The following WDPCP variants were observed in gnomAD, a reference collection of about 807,000 sequenced individuals.
The protein encoded by WDPCP is WD repeat-containing and planar cell polarity effector protein fritz homolog.
Under a neutral mutation model 93.1 loss-of-function variants are expected in WDPCP, and 71 were observed. That is an observed-to-expected ratio of 0.76 (90% CI 0.63 to 0.93). WDPCP has a LOEUF of 0.93. Among genes scored for constraint, WDPCP ranks in the 40% least tolerant of loss-of-function variants. WDPCP has a pLI of 0.00. For missense variants in WDPCP, 844 were observed against 887.4 expected (o/e 0.95, Z 0.62); for synonymous variants, 315 against 315.0 (o/e 1.00, Z 0.00).
In WDPCP at chr2:63,297,724, G is replaced by C. The variant is rs149756103; in HGVS notation, c.1812+15524C>G. 3.9e-5 allele frequency among the ~76,000 whole-genome samples: 6 copies of C among 152,154 alleles called. No individual in the cohort carries two copies. In the East Asian group the frequency reaches 5.8e-4, roughly 15 times the overall value. On this transcript the variant is annotated intron_variant, in intron 13 of 17. Transcript: ENST00000272321. Reference sequence around the variant, plus strand: ...TATACACTATAGAATATAATGCACAGGGTAGACCTAAATACTGGTATTTAG... The same window carrying C: ...TATACACTATAGAATATAATGCACACGGTAGACCTAAATACTGGTATTTAG...
rs1268538258 is a variant in WDPCP, at chr2:63,120,592, C to A, written c.*1414G>T. On this transcript the variant is annotated 3_prime_UTR_variant, in exon 18 of 18. Transcript: ENST00000272321. ...CCCAGGCTGGAGCGTAATGGTGCGA[C>A]CTCAGCTCACTGCAGCCTCCGCCCT... Among the ~76,000 whole-genome samples, 3 of 148,358 alleles carry A rather than the reference C, an allele frequency of 2.0e-5. No individual in the cohort carries two copies. Among genetic ancestry groups the A allele is most frequent in the African/African-American group, 7.5e-5 (3 of 40,044 alleles).
chr2:63,288,470 A>C (rs1032302569), intron 13 of WDPCP, among the ~76,000 whole-genome samples: 3 of 152,350 alleles, frequency 2.0e-5, no homozygotes, highest in Non-Finnish European at 4.4e-5. Flanking sequence ...GAGAGAATGC[A>C]TGTAATAGTA....
At chr2:63,328,174 C>T (rs1361912128) in intron 12 of WDPCP, among the ~76,000 whole-genome samples, 3 of 134,688 alleles carry the variant, frequency 2.2e-5, no homozygotes, top group Non-Finnish European at 4.8e-5. Context: ...TTTGTAAACA[C>T]CCCAATAAGC....
chr2:63,201,689 T>G (rs1675925571), intron 14 of WDPCP, among the ~76,000 whole-genome samples: 1 of 152,210 alleles, frequency 6.6e-6, no homozygotes, highest in African/African-American at 2.4e-5. Flanking sequence ...GGGAGCACTT[T>G]AAGTTTCTTA....
intron 1 of WDPCP, among the ~76,000 whole-genome samples, chr2:63,536,123 C>A (rs566458013): frequency 1.3e-5 from 2 of 152,226 alleles, no homozygotes. Context: ...TGCTTATCAT[C>A]ACTGGCCATC....
intron 1 of WDPCP, among the ~76,000 whole-genome samples, chr2:63,574,963 T>C (rs1045629714): frequency 1.1e-4 from 17 of 152,168 alleles, no homozygotes; most frequent in African/African-American, 4.1e-4. Flanking sequence ...GAGTTAAATA[T>C]AATCTTTGAC....
intron 9 of WDPCP, among the ~76,000 whole-genome samples, chr2:63,428,410 GGGATGCAA>G (rs1443099068): frequency 6.6e-6 from 1 of 152,176 alleles, no homozygotes; most frequent in Non-Finnish European, 1.5e-5. Context: ...TTTTATCCCT[GGGATGCAA>G]GGTTGGTTCA....
At chr2:63,220,308 G>T (rs987240879) in intron 14 of WDPCP, among the ~76,000 whole-genome samples, 9 of 152,140 alleles carry the variant, frequency 5.9e-5, no homozygotes, top group African/African-American at 2.2e-4. Context: ...AACTTAATGA[G>T]AGAAGTAGGG....
At chr2:63,780,208 C>T (rs1443411975) in intron 2 of WDPCP, among the ~76,000 whole-genome samples, 2 of 152,160 alleles carry the variant, frequency 1.3e-5, no homozygotes, top group Non-Finnish European at 2.9e-5. Flanking sequence ...GCAGAAGTCA[C>T]AAATGTATGG....
chr2:63,612,944 T>C (rs1326453950), intron 3 of WDPCP, among the ~76,000 whole-genome samples: 1 of 151,682 alleles, frequency 6.6e-6, no homozygotes, highest in East Asian at 1.9e-4. Context: ...TTTTTTTTTT[T>C]ACTTCTTAGC....
At chr2:63,295,456 G>A (rs1684770361) in intron 13 of WDPCP, among the ~76,000 whole-genome samples, 1 of 152,012 alleles carries the variant, frequency 6.6e-6, no homozygotes, top group Non-Finnish European at 1.5e-5. Flanking sequence ...GATATTCCAT[G>A]CAAATAGTAA....
intron 9 of WDPCP, among the ~76,000 whole-genome samples, chr2:63,431,148 G>A (rs770434295): frequency 9.3e-4 from 84 of 90,038 alleles, no homozygotes; most frequent in Non-Finnish European, 1.4e-3. Flanking sequence ...AAAAAAGATG[G>A]CTTAAAAAAC....
chr2:63,575,563 A>ACAC (rs1558833910), intron 1 of WDPCP, among the ~76,000 whole-genome samples: 1 of 70,950 alleles, frequency 1.4e-5, no homozygotes. Flanking sequence ...TACAGTATAT[A>ACAC]TACTATATAA....
At chr2:63,239,249 T>A (rs1679668771) in intron 14 of WDPCP, among the ~76,000 whole-genome samples, 1 of 152,174 alleles carries the variant, frequency 6.6e-6, no homozygotes, top group Admixed American at 6.5e-5. Flanking sequence ...AGTCTCGCTC[T>A]TTCACCCAGG....
upstream of WDPCP, chr2:63,589,357 C>T: frequency 3.2e-6 from 5 of 1,550,620 alleles, no homozygotes; most frequent in Non-Finnish European, 3.5e-6. Flanking sequence ...TTCCAAAGGA[C>T]GTTACGGTGT....
chr2:63,508,218 C>G (rs1575548426), intron 1 of WDPCP, among the ~76,000 whole-genome samples: 1 of 152,204 alleles, frequency 6.6e-6, no homozygotes, highest in East Asian at 1.9e-4. Context: ...GAAAGCCTAT[C>G]AGGCTAACAG....
chr2:63,340,724 C>G (rs978342947), intron 12 of WDPCP, among the ~76,000 whole-genome samples: 1 of 152,146 alleles, frequency 6.6e-6, no homozygotes. Flanking sequence ...TTTCACTTCT[C>G]TGTGGCCCTG....
upstream of WDPCP, chr2:63,593,545 C>G (rs1372846492): frequency 4.2e-6 from 2 of 471,030 alleles, no homozygotes; most frequent in African/African-American, 4.0e-5. Context: ...AGACGTGACT[C>G]TCATCTGGAA....
chr2:63,429,437 G>A (rs1318624510), intron 9 of WDPCP, among the ~76,000 whole-genome samples: 3 of 151,992 alleles, frequency 2.0e-5, no homozygotes, highest in African/African-American at 7.2e-5. Context: ...TTTGTAAACT[G>A]TGCATCCAAC....
Sources: allele counts gnomAD v4.1 joint callset (sites outside exome capture counted in the v4.1 genomes callset), GRCh38; gene constraint gnomAD v4.1.1; transcripts MANE v1.5; gene names NCBI Gene and HGNC (gene_info 2026-07-23, HGNC 2026-07-21).